Variants in TRPS1 observed in about 807,000 individuals in gnomAD.
The protein encoded by TRPS1 is transcriptional repressor GATA binding 1.
Under a neutral mutation model 101.2 loss-of-function variants are expected in TRPS1, and 6 were observed. The observed-to-expected ratio is 0.06, with a 90% CI of 0.03 to 0.12. The LOEUF (loss-of-function observed/expected upper bound fraction) is 0.12. Among genes scored for constraint, TRPS1 ranks in the 10% least tolerant of loss-of-function variants. TRPS1 has a pLI of 1.00. For synonymous variants in TRPS1, 578 were observed against 589.8 expected (o/e 0.98, Z 0.29); for missense variants, 1,363 against 1,567.0 (o/e 0.87, Z 2.20).
rs182679792 is a variant in TRPS1, at chr8:115,523,116, A to G, written c.2700+63885T>C. Among the ~76,000 whole-genome samples the G allele has an allele frequency of 1.6e-3, 239 of 152,216 alleles. 3 individuals are homozygous for G. The highest frequency in any genetic ancestry group is 8.1e-3 in the Admixed American group (124 of 15,274). Reference sequence around the variant, plus strand: ...TCCTGAGTTTAGGGGAGAAAAAAAAATTGTTCTCAGAGAATCCCAACATAT... The same window carrying G: ...TCCTGAGTTTAGGGGAGAAAAAAAAGTTGTTCTCAGAGAATCCCAACATAT... On this transcript the variant is annotated intron_variant, in intron 5 of 6. Transcript: ENST00000395715.
chr8:115,498,415 C>CTCTCTCTATATA (rs1486361297), intron 5 of TRPS1, among the ~76,000 whole-genome samples: 8 of 39,314 alleles, frequency 2.0e-4, no homozygotes, highest in African/African-American at 3.3e-4. Context: ...CTCTCTCTCT[C>CTCTCTCTATATA]TATATATATA....
At chr8:115,424,613 A>G (rs947566323) in intron 5 of TRPS1, among the ~76,000 whole-genome samples, 1 of 152,246 alleles carries the variant, frequency 6.6e-6, no homozygotes, top group African/African-American at 2.4e-5. Context: ...ACTTTCCTGA[A>G]GATACCAAAG....
chr8:115,538,048 T>C (rs1029111914), intron 5 of TRPS1, among the ~76,000 whole-genome samples: 38 of 152,210 alleles, frequency 2.5e-4, no homozygotes, highest in Non-Finnish European at 4.7e-4. Context: ...GTACAAATTA[T>C]TTCCAGGTGC....
rs1166484546 is a variant in TRPS1, at chr8:115,476,058, G to A, written c.2701-57606C>T. ...TTTTGAGACGGAGTCTCGCTCTGTC[G>A]CCCAGGCTGGAGTGCAGTGGCGGGA... is the stretch of plus-strand genomic sequence containing the variant. On this transcript the variant is annotated intron_variant, in intron 5 of 6. Coordinates refer to ENST00000395715, the MANE Select transcript of TRPS1 (RefSeq NM_014112.5). Among the ~76,000 whole-genome samples, 20 of 14,266 alleles carry A rather than the reference G, an allele frequency of 1.4e-3. 6 individuals are homozygous for A. The East Asian group carries it at 0.16, about 117-fold the overall frequency. The allele number at this position is 14,266 out of a possible 152,430, so 9.4% of individuals were successfully genotyped here.
chr8:115,532,225 T>C (rs564212060), intron 5 of TRPS1, among the ~76,000 whole-genome samples: 1 of 143,620 alleles, frequency 7.0e-6, no homozygotes, highest in East Asian at 2.1e-4. Flanking sequence ...AAGCAAGAAA[T>C]GGAATGAAAT....
Position 115,638,034 on chromosome 8 carries a change from G to A in TRPS1, c.-121-14276C>T, listed in dbSNP as rs1265292828. Among the ~76,000 whole-genome samples, 3 of 152,136 alleles carry A rather than the reference G, an allele frequency of 2.0e-5. No individual in the cohort carries two copies. In the South Asian group the frequency reaches 6.2e-4, roughly 32 times the overall value. ...CCAGATTTTCCCAGTCCCACAGGGA[G>A]CTTTCCCAGAACTTGGTCAAAACTC... On this transcript the variant is annotated intron_variant, in intron 1 of 6. Coordinates refer to ENST00000395715, the MANE Select transcript of TRPS1 (RefSeq NM_014112.5).
In TRPS1 at chr8:115,619,811, T is replaced by A. The variant is rs770238015; in HGVS notation, c.287A>T (p.Lys96Met). 6.2e-7 allele frequency: 1 copy of A among 1,614,212 alleles called. No homozygotes were observed. The highest frequency in any genetic ancestry group is 1.7e-5 in the Admixed American group (1 of 60,030). Reference protein sequence around the residue: ...KDLKSAVLSEKAGFNYESPSK... With the variant: ...KDLKSAVLSEMAGFNYESPSK... ...GGGGCTTTCATAATTGAAGCCAGCC[T>A]TCTCACTCAGAACTGCGCTTTTCAA... The change falls in exon 3 of 7, where the codon AAG becomes ATG. Residue 96 changes from lysine (K) to methionine (M), a missense_variant. This residue lies in a region of TRPS1 where 1,020 missense variants were observed against 1,073.0 expected (regional missense o/e 0.95). Coordinates refer to ENST00000395715, the MANE Select transcript of TRPS1 (RefSeq NM_014112.5).
chr8:115,616,325 T>C (rs779793159), intron 3 of TRPS1, among the ~76,000 whole-genome samples: 4 of 152,226 alleles, frequency 2.6e-5, no homozygotes, highest in Admixed American at 6.5e-5. Flanking sequence ...ATTTCAATTA[T>C]TCCTCCAAGT....
At chr8:115,481,494 AG>A (rs1325278115) in intron 5 of TRPS1, among the ~76,000 whole-genome samples, 3 of 152,038 alleles carry the variant, frequency 2.0e-5, no homozygotes, top group Admixed American at 2.0e-4. Flanking sequence ...ATGGAAGTGA[AG>A]TGATATTGTT....
chr8:115,607,021 T>C (rs953199906), intron 3 of TRPS1, among the ~76,000 whole-genome samples: 1 of 152,038 alleles, frequency 6.6e-6, no homozygotes, highest in Non-Finnish European at 1.5e-5. Context: ...AGCTTCCCTA[T>C]TATAAAATGC....
intron 5 of TRPS1, among the ~76,000 whole-genome samples, chr8:115,435,486 G>A (rs921115363): frequency 1.3e-5 from 2 of 152,058 alleles, no homozygotes; most frequent in Non-Finnish European, 1.5e-5. Context: ...CAGTTCCCAC[G>A]AGGTCCTCAG....
chr8:115,544,401 C>G (rs1029774794), intron 5 of TRPS1, among the ~76,000 whole-genome samples: 3 of 151,974 alleles, frequency 2.0e-5, no homozygotes, highest in Admixed American at 2.0e-4. Flanking sequence ...GGATTGGAGG[C>G]AGGTGGAAGG....
chr8:115,581,686 CA>C (rs1315791001), intron 5 of TRPS1, among the ~76,000 whole-genome samples: 1 of 151,860 alleles, frequency 6.6e-6, no homozygotes, highest in African/African-American at 2.4e-5. Flanking sequence ...TTTCTACTGT[CA>C]AAAATGGTAT....
intron 1 of TRPS1, among the ~76,000 whole-genome samples, chr8:115,665,929 T>C (rs1347595866): frequency 6.6e-6 from 1 of 152,128 alleles, no homozygotes; most frequent in Non-Finnish European, 1.5e-5. Flanking sequence ...TCCTAACATA[T>C]AACATACATA....
intron 5 of TRPS1, among the ~76,000 whole-genome samples, chr8:115,564,040 C>G (rs535596391): frequency 6.6e-6 from 1 of 152,072 alleles, no homozygotes; most frequent in South Asian, 2.1e-4. Context: ...TCAGTTCTTG[C>G]AGTGAACAGT....
At chr8:115,535,044 ATATAGCATATG>A (rs1253710333) in intron 5 of TRPS1, among the ~76,000 whole-genome samples, 17 of 148,500 alleles carry the variant, frequency 1.1e-4, no homozygotes, top group Non-Finnish European at 1.9e-4. Context: ...TATAGCATAT[ATATAGCATATG>A]TATAGCATAT....
chr8:115,565,795 A>G (rs1240516706), intron 5 of TRPS1, among the ~76,000 whole-genome samples: 3 of 152,096 alleles, frequency 2.0e-5, no homozygotes, highest in African/African-American at 7.2e-5. Context: ...TAACTCAACA[A>G]TGCCAACTAA....
intron 5 of TRPS1, among the ~76,000 whole-genome samples, chr8:115,521,680 G>A (rs956269499): frequency 6.6e-6 from 1 of 151,686 alleles, no homozygotes; most frequent in Non-Finnish European, 1.5e-5. Flanking sequence ...AAAAACACCT[G>A]TATTTAAAAA....
At chr8:115,421,588 G>C (rs1485305445) in intron 5 of TRPS1, among the ~76,000 whole-genome samples, 1 of 152,164 alleles carries the variant, frequency 6.6e-6, no homozygotes, top group Non-Finnish European at 1.5e-5. Flanking sequence ...AGCTTGCATG[G>C]GGGTGGAGAG....
Sources: allele counts gnomAD v4.1 joint callset (sites outside exome capture counted in the v4.1 genomes callset), GRCh38; gene constraint gnomAD v4.1.1; regional missense constraint gnomAD v4.1.1; transcripts MANE v1.5; gene names NCBI Gene and HGNC (gene_info 2026-07-23, HGNC 2026-07-21).